Variants in SYN3 observed in about 807,000 individuals in gnomAD.
SYN3 encodes the protein synapsin-3.
SYN3 carries 35 observed loss-of-function variants against 65.8 expected under a neutral mutation model. That is an observed-to-expected ratio of 0.53 (90% CI 0.41 to 0.70). The LOEUF (loss-of-function observed/expected upper bound fraction) is 0.70, where lower values mean the gene tolerates loss of function less well. SYN3 is among the 30% of genes least tolerant of loss of function. The pLI is 0.00. For missense variants in SYN3, 680 were observed against 749.0 expected, an observed-to-expected ratio of 0.91 and a Z score of 1.08; for synonymous variants, 270 against 292.9, an observed-to-expected ratio of 0.92 and a Z score of 0.80.
chr22:32,990,002 C>A (rs530200804), intron 2 of SYN3, among the ~76,000 whole-genome samples: 2 of 152,284 alleles, frequency 1.3e-5, no homozygotes, highest in African/African-American at 4.8e-5. Context: ...CTTCAGCAAA[C>A]ACTTATTGAG....
At chr22:32,622,876 T>C (rs553358862) in intron 6 of SYN3, among the ~76,000 whole-genome samples, 3 of 152,066 alleles carry the variant, frequency 2.0e-5, no homozygotes, top group Admixed American at 6.5e-5. Flanking sequence ...TTGTGTTTTA[T>C]GTAGAAGGGG....
intron 4 of SYN3, among the ~76,000 whole-genome samples, chr22:32,875,026 T>C (rs1163258961): frequency 6.6e-6 from 1 of 152,222 alleles, no homozygotes; most frequent in East Asian, 1.9e-4. Context: ...GTGCACGCTT[T>C]GCAGATGGAG....
chr22:32,543,713 T>C (rs2058294835), intron 7 of SYN3, among the ~76,000 whole-genome samples: 1 of 152,162 alleles, frequency 6.6e-6, no homozygotes. Context: ...TAGATGTGCC[T>C]GAGTCTCCAA....
intron 7 of SYN3, among the ~76,000 whole-genome samples, chr22:32,566,564 C>G (rs1162731212): frequency 6.6e-6 from 1 of 152,104 alleles, no homozygotes; most frequent in Non-Finnish European, 1.5e-5. Flanking sequence ...AGTGACACAA[C>G]CCGGAGGAGA....
intron 1 of SYN3, among the ~76,000 whole-genome samples, chr22:33,049,424 A>G (rs377336934): frequency 1.3e-5 from 2 of 152,328 alleles, no homozygotes; most frequent in East Asian, 3.9e-4. Context: ...CAGAATAATT[A>G]TAACTCCTCT....
chr22:32,648,820 G>A lies in SYN3; in HGVS notation c.712-52084C>T, dbSNP rs138321589. ...AAGATGGACAATTATGATTTTTGTTGTTGTCCAAGAAGCACCTCTTTTACT... is the reference window on the plus strand; with the variant it reads ...AAGATGGACAATTATGATTTTTGTTATTGTCCAAGAAGCACCTCTTTTACT... On this transcript the variant is annotated intron_variant, in intron 6 of 13. Coordinates refer to ENST00000358763, the MANE Select transcript of SYN3 (RefSeq NM_003490.4). 2.8e-3 allele frequency among the ~76,000 whole-genome samples: 420 copies of A among 152,296 alleles called. 2 individuals carry two copies. Among genetic ancestry groups the A allele is most frequent in the African/African-American group, 9.4e-3 (390 of 41,566 alleles).
intron 7 of SYN3, among the ~76,000 whole-genome samples, chr22:32,581,788 CTTTCTTTTT>C (rs1424537297): frequency 3.7e-4 from 49 of 130,980 alleles, no homozygotes; most frequent in Admixed American, 1.1e-3. Flanking sequence ...TTCTTTCTTT[CTTTCTTTTT>C]TTTTTTTTTT....
chr22:32,791,943 G>A (rs535411675), intron 6 of SYN3, among the ~76,000 whole-genome samples: 62 of 152,130 alleles, frequency 4.1e-4, no homozygotes, highest in Non-Finnish European at 6.5e-4. Flanking sequence ...AGGTCAAAGG[G>A]GATATAAGCA....
chr22:32,692,777 T>C (rs1422743681), intron 6 of SYN3, among the ~76,000 whole-genome samples: 2 of 152,186 alleles, frequency 1.3e-5, no homozygotes, highest in African/African-American at 4.8e-5. Flanking sequence ...GAGTCTCCAT[T>C]ATGGCATTTT....
chr22:32,917,574 G>A (rs1372431891), intron 4 of SYN3, among the ~76,000 whole-genome samples: 1 of 152,204 alleles, frequency 6.6e-6, no homozygotes. Flanking sequence ...GGTTCTTGGG[G>A]GGTGGTGGAG....
At chr22:32,532,170 C>A (rs1242520028) in intron 10 of SYN3, among the ~76,000 whole-genome samples, 1 of 152,294 alleles carries the variant, frequency 6.6e-6, no homozygotes, top group East Asian at 1.9e-4. Flanking sequence ...GTCCACCTGG[C>A]TTGGGGGCTG....
At chr22:32,719,545 C>T (rs1383302307) in intron 6 of SYN3, among the ~76,000 whole-genome samples, 1 of 152,162 alleles carries the variant, frequency 6.6e-6, no homozygotes, top group Non-Finnish European at 1.5e-5. Flanking sequence ...GAAATGAACA[C>T]TCTAACACTT....
chr22:32,966,281 G>A (rs2051841554), intron 3 of SYN3, among the ~76,000 whole-genome samples: 1 of 152,206 alleles, frequency 6.6e-6, no homozygotes, highest in African/African-American at 2.4e-5. Flanking sequence ...TAATGTTGAA[G>A]AATCTATGGC....
At chr22:32,859,422 C>T in intron 6 of SYN3, 3 of 1,580,560 alleles carry the variant, frequency 1.9e-6, no homozygotes, top group Non-Finnish European at 2.6e-6. Context: ...TCCCGCTGAG[C>T]TTCCCTTGGA....
At chr22:32,691,703 A>G (rs2060663365) in intron 6 of SYN3, among the ~76,000 whole-genome samples, 1 of 151,774 alleles carries the variant, frequency 6.6e-6, no homozygotes, top group African/African-American at 2.4e-5. Flanking sequence ...GAATCTTGTG[A>G]GCCGGCTTAG....
chr22:32,763,937 C>T (rs934265853), intron 6 of SYN3, among the ~76,000 whole-genome samples: 6 of 148,148 alleles, frequency 4.1e-5, no homozygotes, highest in Non-Finnish European at 9.0e-5. Flanking sequence ...GTAGAAGCCC[C>T]CCCCCCCTTT....
At chr22:32,894,532 T>C (rs1228445105) in intron 4 of SYN3, among the ~76,000 whole-genome samples, 1 of 152,128 alleles carries the variant, frequency 6.6e-6, no homozygotes, top group Admixed American at 6.5e-5. Context: ...TGGCAAAGTG[T>C]CTTAAAGGAG....
chr22:32,864,039 C>T (rs1437218277), intron 6 of SYN3, among the ~76,000 whole-genome samples: 1 of 152,134 alleles, frequency 6.6e-6, no homozygotes, highest in Non-Finnish European at 1.5e-5. Context: ...AGTGATTACT[C>T]CTGAAATCTG....
At chr22:32,793,896 A>T (rs2046373539) in intron 6 of SYN3, among the ~76,000 whole-genome samples, 1 of 152,254 alleles carries the variant, frequency 6.6e-6, no homozygotes, top group Non-Finnish European at 1.5e-5. Context: ...AGCCCAAACT[A>T]GTTGACCTGG....
Sources: allele counts gnomAD v4.1 joint callset (sites outside exome capture counted in the v4.1 genomes callset), GRCh38; gene constraint gnomAD v4.1.1; transcripts MANE v1.5; gene names NCBI Gene and HGNC (gene_info 2026-07-23, HGNC 2026-07-21).